Variants in CLYBL observed in about 807,000 individuals in gnomAD.
CLYBL encodes the protein citramalyl-CoA lyase, also known as citramalyl-CoA lyase, mitochondrial.
In CLYBL, 31 loss-of-function variants were observed where a neutral mutation model predicts 38.9. That is an observed-to-expected ratio of 0.80 (90% CI 0.60 to 1.08). The LOEUF is 1.08. CLYBL is among the 50% of genes least tolerant of loss of function. The pLI is 0.00. For synonymous variants in CLYBL, 171 were observed against 158.6 expected (o/e 1.08, Z -0.59); for missense variants, 434 against 411.6 (o/e 1.05, Z -0.47).
At chr13:99,870,786 GTTTGT>G (rs949716334) in intron 6 of CLYBL, 147 bp from the exon 7 acceptor site, 39 of 672,188 alleles carry the variant, frequency 5.8e-5, no homozygotes, top group Non-Finnish European at 7.8e-5. Context: ...TGCAGGTTTT[GTTTGT>G]TTTGTTTTGT....
intron 1 of CLYBL, among the ~76,000 whole-genome samples, chr13:99,625,177 C>A (rs965292871): frequency 6.6e-6 from 1 of 152,218 alleles, no homozygotes; most frequent in Non-Finnish European, 1.5e-5. Context: ...GTCCATCGGG[C>A]TGTAAGCTCC....
chr13:99,868,275 A>G (rs989677595), intron 6 of CLYBL, among the ~76,000 whole-genome samples: 10 of 152,172 alleles, frequency 6.6e-5, no homozygotes, highest in African/African-American at 2.2e-4. Context: ...TGATAATAAG[A>G]TAGATTATTT....
At chr13:99,686,799 C>T (rs1052587531) in intron 1 of CLYBL, among the ~76,000 whole-genome samples, 3 of 152,080 alleles carry the variant, frequency 2.0e-5, no homozygotes, top group African/African-American at 7.2e-5. Flanking sequence ...CAGTTGGGGA[C>T]GAGCTATGCC....
At chr13:99,635,281 C>T (rs1326095056) in intron 1 of CLYBL, among the ~76,000 whole-genome samples, 2 of 152,100 alleles carry the variant, frequency 1.3e-5, no homozygotes, top group Non-Finnish European at 2.9e-5. Context: ...CTTTCTCTGT[C>T]ATGATTTTTA....
chr13:99,629,550 C>G (rs562636095), intron 1 of CLYBL, among the ~76,000 whole-genome samples: 33 of 152,288 alleles, frequency 2.2e-4, no homozygotes, highest in African/African-American at 7.7e-4. Flanking sequence ...ATCTGCAGCT[C>G]CTTCTCTGTA....
intron 2 of CLYBL, among the ~76,000 whole-genome samples, chr13:99,821,495 A>G (rs1249884838): frequency 6.6e-6 from 1 of 152,220 alleles, no homozygotes; most frequent in Non-Finnish European, 1.5e-5. Flanking sequence ...ATGGAAAATT[A>G]GGCTTTTTGC....
intron 1 of CLYBL, among the ~76,000 whole-genome samples, chr13:99,633,358 G>A (rs2139241514): frequency 6.6e-6 from 1 of 151,918 alleles, no homozygotes. Flanking sequence ...TGGGCAACAT[G>A]GCAAAACCCC....
At chr13:99,711,310 G>A (rs1415022558) in intron 1 of CLYBL, among the ~76,000 whole-genome samples, 2 of 151,732 alleles carry the variant, frequency 1.3e-5, no homozygotes, top group African/African-American at 4.8e-5. Flanking sequence ...CAGGTTCAGT[G>A]TCTGGTGCTA....
chr13:99,869,102 T>C lies in CLYBL; in HGVS notation c.803-1836T>C, dbSNP rs942429654. Among the ~76,000 whole-genome samples the C allele has an allele frequency of 1.3e-5, 2 of 152,200 alleles. No individual in the cohort carries two copies. Among genetic ancestry groups the C allele is most frequent in the Non-Finnish European group, 2.9e-5 (2 of 68,024 alleles). On this transcript the variant is annotated intron_variant, in intron 6 of 8. Coordinates refer to ENST00000339105, the MANE Select transcript of CLYBL (RefSeq NM_206808.5). This position sits in a 1 kb window ranked among gnomAD's most constrained non-coding sequence, Gnocchi z 4.3. ...AGTCTGCTATACAGTTGTTGGAATA[T>C]ATAAGATGTGACAAAAGAGAACTTC...
intron 2 of CLYBL, among the ~76,000 whole-genome samples, chr13:99,815,271 G>A (rs1158276487): frequency 1.3e-5 from 2 of 152,156 alleles, no homozygotes; most frequent in Non-Finnish European, 2.9e-5. Context: ...ATGTGTACGT[G>A]TTTGTGAATG....
At chr13:99,612,502 C>T (rs889602371) in intron 1 of CLYBL, among the ~76,000 whole-genome samples, 2 of 151,452 alleles carry the variant, frequency 1.3e-5, no homozygotes, top group Non-Finnish European at 2.9e-5. Flanking sequence ...GTCCTCCTGC[C>T]TCAGCCTCCC....
At chr13:99,638,702 A>T (rs1480745017) in intron 1 of CLYBL, among the ~76,000 whole-genome samples, 1 of 152,226 alleles carries the variant, frequency 6.6e-6, no homozygotes. Context: ...GATAAGTTTT[A>T]TTTATTGTTA....
intron 9 of CLYBL, among the ~76,000 whole-genome samples, chr13:99,906,870 G>A (rs867512238): frequency 6.6e-6 from 1 of 152,190 alleles, no homozygotes; most frequent in African/African-American, 2.4e-5. Context: ...GCCCCACAGC[G>A]GGTGGCTTGG....
intron 1 of CLYBL, among the ~76,000 whole-genome samples, chr13:99,632,691 G>C (rs1205733441): frequency 3.3e-5 from 5 of 152,190 alleles, no homozygotes; most frequent in African/African-American, 1.2e-4. Flanking sequence ...GTTGCAGTGA[G>C]CCGAGATTGT....
At position 99,763,867 on chromosome 13, in the gene CLYBL, A is replaced by G. The variant is rs114408073; in HGVS notation, c.63-8957A>G. Among the ~76,000 whole-genome samples, 1,084 of 152,154 alleles carry G rather than the reference A, an allele frequency of 7.1e-3. 10 individuals are homozygous for G. Among genetic ancestry groups the G allele is most frequent in the African/African-American group, 0.025 (1,040 of 41,518 alleles). On this transcript the variant is annotated intron_variant, in intron 1 of 8. Coordinates refer to ENST00000339105, the MANE Select transcript of CLYBL (RefSeq NM_206808.5). Reference sequence around the variant, plus strand: ...CGCACCCGGCCGATCATGGTGAATGATCTTTTTAATGTGTTGTTGAAGTCA... The same window carrying G: ...CGCACCCGGCCGATCATGGTGAATGGTCTTTTTAATGTGTTGTTGAAGTCA...
At chr13:99,872,322 C>G (rs1207037044) in intron 7 of CLYBL, among the ~76,000 whole-genome samples, 1 of 152,178 alleles carries the variant, frequency 6.6e-6, no homozygotes, top group East Asian at 1.9e-4. Flanking sequence ...CATTTCCCAT[C>G]AACAGTGGCC....
At chr13:99,640,137 A>G (rs2047073219) in intron 1 of CLYBL, among the ~76,000 whole-genome samples, 2 of 152,194 alleles carry the variant, frequency 1.3e-5, no homozygotes, top group South Asian at 4.1e-4. Context: ...TTGTTTTTTA[A>G]TCATGAAAAC....
intron 1 of CLYBL, among the ~76,000 whole-genome samples, chr13:99,613,296 A>G (rs1238418801): frequency 6.6e-6 from 1 of 152,138 alleles, no homozygotes; most frequent in Non-Finnish European, 1.5e-5. Flanking sequence ...GTGGAGAGGA[A>G]TCTGGTAAAG....
rs1263288413 is a variant in CLYBL at position 99,865,008 on chromosome 13, A to G, written c.634+97A>G. The G allele has an allele frequency of 4.6e-6, 4 of 871,746 alleles. No individual in the cohort carries two copies. The African/African-American group carries it at 6.6e-5, about 14-fold the overall frequency. 54.0% of individuals were successfully genotyped at this position (871,746 alleles called of 1,614,324 possible). A position where few individuals can be genotyped will look rare whatever the true frequency, so the allele number is the denominator to read the frequency against. On this transcript the variant is annotated intron_variant, in intron 5 of 8. Coordinates refer to ENST00000339105, the MANE Select transcript of CLYBL (RefSeq NM_206808.5). The surrounding 1 kb of genome is among the most constrained non-coding windows in gnomAD (Gnocchi z 4.7). ...CCCCTCAAGGATGGACATTTACATA[A>G]CAATGTATATTTGCCAACCATGACA...
Sources: allele counts gnomAD v4.1 joint callset (sites outside exome capture counted in the v4.1 genomes callset), GRCh38; gene constraint gnomAD v4.1.1; non-coding constraint Gnocchi (gnomAD v3.1); transcripts MANE v1.5; gene names NCBI Gene and HGNC (gene_info 2026-07-23, HGNC 2026-07-21).